The following FRMD4A variants were observed in gnomAD, a reference collection of about 807,000 sequenced individuals.
FRMD4A encodes the protein FERM domain-containing protein 4A.
Under a neutral mutation model 129.1 loss-of-function variants are expected in FRMD4A, and 29 were observed. The observed-to-expected ratio is 0.22, with a 90% confidence interval of 0.17 to 0.31. The LOEUF is 0.31. Ranked by LOEUF, FRMD4A falls within the 10% of genes least tolerant of loss-of-function variation. FRMD4A has a pLI of 1.00. For synonymous variants in FRMD4A, 634 were observed against 571.6 expected, an observed-to-expected ratio of 1.11 and a Z score of -1.56; for missense variants, 1,272 against 1,375.8, an observed-to-expected ratio of 0.92 and a Z score of 1.19.
intron 22 of FRMD4A, chr10:13,654,817 C>T: frequency 2.2e-6 from 1 of 446,038 alleles, no homozygotes; most frequent in East Asian, 3.8e-5. Context: ...AGGAGGTAGG[C>T]ATAGGGATGG....
chr10:14,306,569 C>G (rs997357781), intron 2 of FRMD4A, among the ~76,000 whole-genome samples: 1 of 152,210 alleles, frequency 6.6e-6, no homozygotes, highest in Non-Finnish European at 1.5e-5. Context: ...AAAACACAGG[C>G]CCTCTCTACC....
At position 13,989,434 on chromosome 10, in the gene FRMD4A, C is replaced by A. The variant is rs540542582; in HGVS notation, c.46-130522G>T. Among the ~76,000 whole-genome samples the A allele has an allele frequency of 4.6e-5, 7 of 152,242 alleles. No individual in the cohort carries two copies. In the East Asian group the frequency reaches 1.4e-3, roughly 29 times the overall value. On this transcript the variant is annotated intron_variant, in intron 2 of 24. Transcript: ENST00000357447. ...GTAGTGGCGCCATCTTGGCTCACTG[C>A]AACTTCCGCCTCCCGGGTTCAAGCG...
chr10:14,268,199 T>G (rs1489136944), intron 2 of FRMD4A, among the ~76,000 whole-genome samples: 3 of 152,244 alleles, frequency 2.0e-5, no homozygotes, highest in African/African-American at 7.2e-5. Context: ...TGTTTTGTTT[T>G]GTTTTGCTTC....
chr10:14,184,153 A>T (rs1842001398), intron 2 of FRMD4A, among the ~76,000 whole-genome samples: 6 of 105,174 alleles, frequency 5.7e-5, no homozygotes, highest in Admixed American at 1.3e-4. Flanking sequence ...TTTTTTTGAG[A>T]GAGTCTCACT....
chr10:14,155,189 G>A (rs889696214), intron 2 of FRMD4A, among the ~76,000 whole-genome samples: 2 of 152,202 alleles, frequency 1.3e-5, no homozygotes, highest in African/African-American at 4.8e-5. Context: ...CAGCTACTCG[G>A]GAGGCTGAGG....
intron 2 of FRMD4A, among the ~76,000 whole-genome samples, chr10:14,134,851 T>G (rs916250823): frequency 2.6e-5 from 4 of 151,988 alleles, no homozygotes; most frequent in Non-Finnish European, 5.9e-5. Flanking sequence ...TGTTGACAAG[T>G]GTGACAAAAG....
intron 2 of FRMD4A, among the ~76,000 whole-genome samples, chr10:14,241,683 TAAAAAAAAAAAAAAAAAAAAAAAAA>T (rs71388168): frequency 4.3e-5 from 1 of 23,404 alleles, no homozygotes; most frequent in African/African-American, 1.8e-4. Flanking sequence ...TTACCCTCCC[TAAAAAAAAAAAAAAAAAAAAAAAAA>T]AAAAAAAAAA....
At chr10:14,271,385 G>T (rs1020968753) in intron 2 of FRMD4A, among the ~76,000 whole-genome samples, 2 of 152,250 alleles carry the variant, frequency 1.3e-5, no homozygotes, top group Admixed American at 1.3e-4. Flanking sequence ...CCCAGCCCTA[G>T]ATAGGATGCT....
At chr10:14,057,307 A>C (rs7901315) in intron 2 of FRMD4A, among the ~76,000 whole-genome samples, 63,431 of 151,782 alleles carry the variant, frequency 0.42, 14,404 homozygotes, top group Non-Finnish European at 0.53. Context: ...AAAAGCAATA[A>C]AAGAGAGACT....
intron 2 of FRMD4A, among the ~76,000 whole-genome samples, chr10:14,314,098 G>C (rs1229174429): frequency 1.3e-5 from 2 of 152,182 alleles, no homozygotes; most frequent in African/African-American, 4.8e-5. Flanking sequence ...CAGAAGAAAT[G>C]CCCAACCACA....
intron 1 of FRMD4A, among the ~76,000 whole-genome samples, 196 bp downstream of exon 1, chr10:14,330,401 G>C (rs1843473473): frequency 6.6e-6 from 1 of 152,074 alleles, no homozygotes; most frequent in Non-Finnish European, 1.5e-5. Context: ...CAGGGAGACC[G>C]CATCAAACAC....
chr10:14,051,855 G>A (rs1321286193), intron 2 of FRMD4A, among the ~76,000 whole-genome samples: 4 of 152,204 alleles, frequency 2.6e-5, no homozygotes, highest in African/African-American at 4.8e-5. Context: ...AGAGATCCAC[G>A]GCATTGCATT....
At chr10:14,230,450 G>A (rs1286775687) in intron 2 of FRMD4A, among the ~76,000 whole-genome samples, 1 of 152,202 alleles carries the variant, frequency 6.6e-6, no homozygotes, top group Non-Finnish European at 1.5e-5. Flanking sequence ...AAATGATTGT[G>A]AGGATTATGA....
intron 8 of FRMD4A, among the ~76,000 whole-genome samples, chr10:13,760,570 C>T (rs2092029806): frequency 6.6e-6 from 1 of 151,920 alleles, no homozygotes; most frequent in Non-Finnish European, 1.5e-5. Flanking sequence ...GAGAAGTGTA[C>T]ATGGAGAGCA....
intron 2 of FRMD4A, among the ~76,000 whole-genome samples, chr10:14,159,852 C>A (rs1426572700): frequency 4.6e-5 from 7 of 152,134 alleles, no homozygotes; most frequent in African/African-American, 1.7e-4. Context: ...GATTTTGAGA[C>A]CAGCCTGGGT....
At chr10:14,213,625 A>G (rs1842990489) in intron 2 of FRMD4A, among the ~76,000 whole-genome samples, 1 of 152,222 alleles carries the variant, frequency 6.6e-6, no homozygotes, top group Non-Finnish European at 1.5e-5. Flanking sequence ...GGAGAGCCAG[A>G]GGGAGGTAAA....
intron 2 of FRMD4A, among the ~76,000 whole-genome samples, chr10:14,208,932 A>G (rs1362337768): frequency 6.6e-6 from 1 of 152,186 alleles, no homozygotes; most frequent in East Asian, 1.9e-4. Flanking sequence ...TTCAGTATTT[A>G]ACAGGAACCT....
chr10:13,651,665 T>C (rs57235231), intron 24 of FRMD4A: 13,165 of 517,834 alleles, frequency 0.025, 754 homozygotes, highest in African/African-American at 0.14. Context: ...AGAACAAGAC[T>C]CTGTCTCAAA....
intron 2 of FRMD4A, among the ~76,000 whole-genome samples, chr10:14,290,360 G>A (rs1043680537): frequency 6.6e-6 from 1 of 151,998 alleles, no homozygotes; most frequent in Non-Finnish European, 1.5e-5. Context: ...AAACAGTATG[G>A]TGCTGGCATA....
Sources: allele counts gnomAD v4.1 joint callset (sites outside exome capture counted in the v4.1 genomes callset), GRCh38; gene constraint gnomAD v4.1.1; transcripts MANE v1.5; gene names NCBI Gene and HGNC (gene_info 2026-07-23, HGNC 2026-07-21).